The following DLX3 variants were observed in gnomAD, a reference collection of about 807,000 sequenced individuals.
The protein encoded by DLX3 is distal-less homeobox 3.
A neutral mutation model predicts 28.0 loss-of-function variants in DLX3; 9 were observed. The ratio of observed to expected loss-of-function variants is 0.32; its 90% CI spans 0.19 to 0.56. DLX3 has a LOEUF of 0.56. Ranked by LOEUF, DLX3 falls within the 20% of genes least tolerant of loss-of-function variation. The pLI, the probability that DLX3 is intolerant of heterozygous loss-of-function variation, is 0.91. For synonymous variants in DLX3, 154 were observed against 167.9 expected (o/e 0.92, Z 0.64); for missense variants, 313 against 378.2 (o/e 0.83, Z 1.43).
In DLX3 at chr17:49,994,908, T is replaced by C; in HGVS notation, c.91A>G (p.Thr31Ala). 1 of 1,614,064 alleles carries C rather than the reference T, an allele frequency of 6.2e-7. No individual in the cohort carries two copies. ...SCHAGSKDSP[T>A]LPESSVTDLG... Reference sequence around the variant, plus strand: ...TCAGTGACAGAAGACTCGGGCAGGGTAGGCGAGTCCTTGGAGCCCGCATGG... The same window carrying C: ...TCAGTGACAGAAGACTCGGGCAGGGCAGGCGAGTCCTTGGAGCCCGCATGG... The change falls in exon 1 of 3, where the codon ACC becomes GCC. Residue 31 changes from threonine (T) to alanine (A), a missense_variant. Thr to Ala is a moderately conservative substitution (Grantham distance 58, BLOSUM62 0). This residue lies in a region of DLX3 where 183 missense variants were observed against 197.7 expected (regional missense o/e 0.93). Transcript: ENST00000434704.
Position 49,991,274 on chromosome 17 carries a change from T to G in DLX3, c.*243A>C, listed in dbSNP as rs1598154054. 1 of 507,608 alleles carries G rather than the reference T, an allele frequency of 2.0e-6. No individual in the cohort carries two copies. The allele number at this position is 507,608 out of a possible 1,614,324, so 31.4% of individuals were successfully genotyped here. On this transcript the variant is annotated 3_prime_UTR_variant, in exon 3 of 3. Transcript: ENST00000434704. ...AGGGGAATGGCTGTCCCCACTGGGG[T>G]GGAATGTCCCCACATCTGGAGGGGT...
In DLX3 at chr17:49,991,272, G is replaced by T; in HGVS notation, c.*245C>A. ...GTAGGGGAATGGCTGTCCCCACTGG[G>T]GTGGAATGTCCCCACATCTGGAGGG... On this transcript the variant is annotated 3_prime_UTR_variant, in exon 3 of 3. Transcript: ENST00000434704. 1.9e-6 allele frequency: 1 copy of T among 515,496 alleles called. No homozygotes were observed. The highest frequency in any genetic ancestry group is 3.4e-6 in the Non-Finnish European group (1 of 294,544). The allele number at this position is 515,496 out of a possible 1,614,324, so 31.9% of individuals were successfully genotyped here. A position where few individuals can be genotyped will look rare whatever the true frequency, so the allele number is the denominator to read the frequency against.
chr17:49,991,556 G>C lies in DLX3; in HGVS notation c.825C>G (p.Ala275=), dbSNP rs1906089977. 4 of 1,611,404 alleles carry C rather than the reference G, an allele frequency of 2.5e-6. No homozygotes were observed. In the South Asian group the frequency reaches 4.4e-5, roughly 18 times the overall value. The part of the protein sequence containing the change: ...QPPQPATLHH[A]SPGPPPNPGA... The stretch of plus-strand genomic sequence containing the variant: ...CAGGGTTGGGCGGGGGCCCGGGAGA[G>C]GCATGGTGCAGGGTGGCTGGCTGAG... The change falls in exon 3 of 3, where the codon GCC becomes GCG. Residue 275 remains alanine, a synonymous_variant. Transcript: ENST00000434704.
intron 1 of DLX3, chr17:49,993,838 C>A (rs866997490): frequency 8.0e-5 from 18 of 226,006 alleles, no homozygotes; most frequent in Middle Eastern, 1.5e-3. Context: ...CCGGCGCCAG[C>A]CGCCGCCTGC....
At chr17:49,993,336 G>C (rs1295963472) in intron 2 of DLX3, 64 bp downstream of exon 2, 5 of 1,512,076 alleles carry the variant, frequency 3.3e-6, no homozygotes, top group African/African-American at 2.8e-5. Flanking sequence ...AGCCAGGCTC[G>C]GCAGCGCGCG....
intron 1 of DLX3, 37 bp downstream of exon 1, chr17:49,994,637 G>A: frequency 6.2e-7 from 1 of 1,611,080 alleles, no homozygotes; most frequent in Non-Finnish European, 8.5e-7. Flanking sequence ...GAACCTTCCA[G>A]TGTCTCCCAC....
chr17:49,991,812 T>C lies in DLX3; in HGVS notation c.569A>G (p.Asn190Ser), dbSNP rs1906102760. ...RRSKFKKLYK[N>S]GEVPLEHSPN... ...ACTGTGCTCCAGCGGCACCTCCCCG[T>C]TCTTGTAGAGTTTCTTGAACTTGGA... The change falls in exon 3 of 3, where the codon AAC becomes AGC. Residue 190 changes from asparagine (N) to serine (S), a missense_variant. Transcript: ENST00000434704. 2 of 1,614,136 alleles carry C rather than the reference T, an allele frequency of 1.2e-6. No homozygotes were observed. Among genetic ancestry groups the C allele is most frequent in the Non-Finnish European group, 1.7e-6 (2 of 1,180,016 alleles).
chr17:49,992,951 G>A (rs1253427878), intron 2 of DLX3, among the ~76,000 whole-genome samples: 3 of 152,230 alleles, frequency 2.0e-5, no homozygotes, highest in Non-Finnish European at 2.9e-5. Context: ...AGGGCGCACA[G>A]TCACACACAC....
At chr17:49,994,571 TTTC>T in intron 1 of DLX3, 100 bp downstream of exon 1, 1 of 1,363,154 alleles carries the variant, frequency 7.3e-7, no homozygotes, top group Non-Finnish European at 1.0e-6. Context: ...AGACAGTACT[TTTC>T]TTAGAAGTTT....
At chr17:49,992,887 T>C (rs1322157648) in intron 2 of DLX3, among the ~76,000 whole-genome samples, 1 of 152,168 alleles carries the variant, frequency 6.6e-6, no homozygotes, top group Non-Finnish European at 1.5e-5. Context: ...AGGAATGTGG[T>C]ATTTTGATGC....
chr17:49,994,652 C>T, intron 1 of DLX3, 22 bp downstream of exon 1: 1 of 1,613,846 alleles, frequency 6.2e-7, no homozygotes, highest in African/African-American at 1.3e-5. Flanking sequence ...TCCCACTGTC[C>T]TCGCGACCCC....
chr17:49,991,400 AG>A lies in DLX3; in HGVS notation c.*116del. On this transcript the variant is annotated 3_prime_UTR_variant, in exon 3 of 3. Coordinates refer to ENST00000434704, the MANE Select transcript of DLX3 (RefSeq NM_005220.3). ...GGGTCCCTGGAGGAAGGGGCAAGGGAGGGGGAAAGGGAGTTCCTTTTCCCTG... is the reference window on the plus strand; with the variant it reads ...GGGTCCCTGGAGGAAGGGGCAAGGGAGGGGAAAGGGAGTTCCTTTTCCCTG... The A allele has an allele frequency of 2.4e-5, 22 of 925,012 alleles. No homozygotes were observed. The highest frequency in any genetic ancestry group is 3.5e-5 in the Non-Finnish European group (22 of 629,350). 57.3% of individuals were successfully genotyped at this position (925,012 alleles called of 1,614,324 possible).
chr17:49,990,265 G>C lies in DLX3; in HGVS notation c.*1252C>G, dbSNP rs3803879. The C allele has an allele frequency of 6.0e-5, 9 of 151,206 alleles. No individual in the cohort carries two copies. The East Asian group carries it at 1.8e-3, about 30-fold the overall frequency. The allele number at this position is 151,206 out of a possible 1,614,324, so 9.4% of individuals were successfully genotyped here. The stretch of plus-strand genomic sequence containing the variant: ...CACATAAATAGGAAACCGCAGCAGG[G>C]AGGAGGCTGCTTCTCTCTGTTGCTC... On this transcript the variant is annotated 3_prime_UTR_variant, in exon 3 of 3. Transcript: ENST00000434704.
Position 49,991,567 on chromosome 17 carries a change from G to C in DLX3, c.814C>G (p.Leu272Val), listed in dbSNP as rs140502073. Residue 272 changes from leucine (L) to valine (V), a missense_variant, in exon 3 of 3, where the codon CTG becomes GTG. Leu to Val is a conservative substitution (Grantham distance 32). This residue lies in a region of DLX3 where 120 missense variants were observed against 145.4 expected (regional missense o/e 0.83). Coordinates refer to ENST00000434704, the MANE Select transcript of DLX3 (RefSeq NM_005220.3). ...LQQQPPQPAT[L>V]HHASPGPPPN... Reference sequence around the variant, plus strand: ...GGGGGCCCGGGAGAGGCATGGTGCAGGGTGGCTGGCTGAGGCGGCTGCTGC... The same window carrying C: ...GGGGGCCCGGGAGAGGCATGGTGCACGGTGGCTGGCTGAGGCGGCTGCTGC... 4 of 1,612,250 alleles carry C rather than the reference G, an allele frequency of 2.5e-6. No homozygotes were observed. In the African/African-American group the frequency reaches 5.3e-5, roughly 22 times the overall value.
rs750762263 is a variant in DLX3, at chr17:49,994,903, C to T, written c.96G>A (p.Leu32=). Residue 32 remains leucine, a synonymous_variant, in exon 1 of 3, where the codon CTG becomes CTA. Transcript: ENST00000434704. ...CCAGGTCAGTGACAGAAGACTCGGG[C>T]AGGGTAGGCGAGTCCTTGGAGCCCG... is the stretch of plus-strand genomic sequence containing the variant. The part of the protein sequence containing the change: ...CHAGSKDSPT[L]PESSVTDLGY... 13 of 1,614,028 alleles carry T rather than the reference C, an allele frequency of 8.1e-6. No individual in the cohort carries two copies. The highest frequency in any genetic ancestry group is 1.1e-5 in the Non-Finnish European group (13 of 1,180,040).
Position 49,990,770 on chromosome 17 carries a change from A to T in DLX3, c.*747T>A, listed in dbSNP as rs1906058370. 6.5e-6 allele frequency: 1 copy of T among 152,678 alleles called. No individual in the cohort carries two copies. The allele number at this position is 152,678 out of a possible 1,614,324, so 9.5% of individuals were successfully genotyped here. ...ACAGCTTTTAAAACCAAAGTTGTGC[A>T]AAGTCCTGGACATGGAAGAAATAAG... On this transcript the variant is annotated 3_prime_UTR_variant, in exon 3 of 3. Transcript: ENST00000434704.
At chr17:49,994,426 CCT>C (rs1255385611) in intron 1 of DLX3, among the ~76,000 whole-genome samples, 2 of 152,216 alleles carry the variant, frequency 1.3e-5, no homozygotes. Context: ...CCTTCCCCTT[CCT>C]CTCTCAGCTC....
In DLX3 at chr17:49,991,255, A is replaced by C; in HGVS notation, c.*262T>G. 2.1e-6 allele frequency: 1 copy of C among 473,254 alleles called. No homozygotes were observed. Among genetic ancestry groups the C allele is most frequent in the Non-Finnish European group, 3.7e-6 (1 of 269,732 alleles). 29.3% of individuals were successfully genotyped at this position (473,254 alleles called of 1,614,324 possible). The stretch of plus-strand genomic sequence containing the variant: ...CCAGGCTCCTGGAGCAGGTAGGGGA[A>C]TGGCTGTCCCCACTGGGGTGGAATG... On this transcript the variant is annotated 3_prime_UTR_variant, in exon 3 of 3. Transcript: ENST00000434704.
Position 49,993,388 on chromosome 17 carries a change from C to T in DLX3, c.516+12G>A. On this transcript the variant is annotated intron_variant, in intron 2 of 2. Transcript: ENST00000434704. ...CGCGCGCCCCCGCGGCCCTGGACAG[C>T]CAAACACCAACCTGTGTCTGCGTGA... is the stretch of plus-strand genomic sequence containing the variant. 1 of 1,595,262 alleles carries T rather than the reference C, an allele frequency of 6.3e-7. No homozygotes were observed.
Sources: gnomAD v4.1 joint callset for allele counts (sites outside exome capture counted in the v4.1 genomes callset) on GRCh38, gnomAD v4.1.1 for gene constraint, gnomAD v4.1.1 regional missense constraint, MANE v1.5 for transcripts, NCBI Gene and HGNC (gene_info 2026-07-23, HGNC 2026-07-21) for gene names.